Variants in TMC7 observed in about 807,000 individuals in gnomAD.
TMC7 encodes transmembrane channel like 7, also known as transmembrane channel-like protein 7.
TMC7 carries 54 observed loss-of-function variants against 82.9 expected under a neutral mutation model. The observed-to-expected ratio is 0.65, with a 90% CI of 0.52 to 0.82. The LOEUF is 0.82. Ranked by LOEUF, TMC7 falls within the 40% of genes least tolerant of loss-of-function variation. TMC7 has a pLI of 0.00. For synonymous variants in TMC7, 350 were observed against 337.9 expected (o/e 1.04, Z -0.39); for missense variants, 820 against 901.2 (o/e 0.91, Z 1.15).
chr16:19,052,504 T>G (rs1485045103), intron 13 of TMC7, among the ~76,000 whole-genome samples: 1 of 152,144 alleles, frequency 6.6e-6, no homozygotes, highest in Non-Finnish European at 1.5e-5. Context: ...CCAAATTTTG[T>G]TTCTTCACCT....
At position 18,984,133 on chromosome 16, in the gene TMC7, A is replaced by G; in HGVS notation, c.67+3A>G. ...CCGGCAGCCGGCGGTCCATCCAGGT[A>G]GGGCGGCAGGGAGCGCGCGCGGGGA... On this transcript the variant is annotated splice_donor_region_variant and intron_variant, in intron 1 of 15. Coordinates refer to ENST00000304381, the MANE Select transcript of TMC7 (RefSeq NM_024847.4). The G allele has an allele frequency of 6.7e-7, 1 of 1,495,082 alleles. No individual in the cohort carries two copies. Among genetic ancestry groups the G allele is most frequent in the Non-Finnish European group, 8.8e-7 (1 of 1,130,058 alleles). 92.6% of individuals were successfully genotyped at this position (1,495,082 alleles called of 1,614,324 possible).
At chr16:19,012,444 C>T (rs1959411319) in intron 2 of TMC7, among the ~76,000 whole-genome samples, 1 of 152,100 alleles carries the variant, frequency 6.6e-6, no homozygotes, top group Non-Finnish European at 1.5e-5. Context: ...AACTAACAGA[C>T]TCTCATGAGC....
chr16:19,045,304 A>G (rs1961217994), intron 10 of TMC7, 37 bp from the exon 11 acceptor site: 3 of 1,539,512 alleles, frequency 1.9e-6, no homozygotes, highest in South Asian at 2.2e-5. Flanking sequence ...TGCCTCAGCT[A>G]GGGTCTTTCA....
chr16:19,023,422 C>T (rs977947565), intron 5 of TMC7, among the ~76,000 whole-genome samples: 1 of 152,042 alleles, frequency 6.6e-6, no homozygotes, highest in Non-Finnish European at 1.5e-5. Flanking sequence ...GGCCATTGGC[C>T]TTTTTCTAGT....
At chr16:18,986,899 G>A (rs1436345666) in intron 1 of TMC7, among the ~76,000 whole-genome samples, 2 of 151,910 alleles carry the variant, frequency 1.3e-5, no homozygotes, top group Non-Finnish European at 2.9e-5. Flanking sequence ...CCGTCTCCCG[G>A]GTTCATGCCA....
chr16:19,010,469 C>T (rs1959261751), intron 2 of TMC7, among the ~76,000 whole-genome samples: 1 of 152,080 alleles, frequency 6.6e-6, no homozygotes, highest in African/African-American at 2.4e-5. Context: ...TTATTTCTTG[C>T]TAGCATAAAG....
At chr16:19,053,145 A>G (rs1179995216) in intron 13 of TMC7, among the ~76,000 whole-genome samples, 1 of 152,122 alleles carries the variant, frequency 6.6e-6, no homozygotes, top group Non-Finnish European at 1.5e-5. Context: ...ATTGCTCCTT[A>G]TCTTCACCTC....
At chr16:19,027,150 A>G (rs1378513683) in intron 5 of TMC7, among the ~76,000 whole-genome samples, 1 of 138,722 alleles carries the variant, frequency 7.2e-6, no homozygotes, top group Non-Finnish European at 1.5e-5. Context: ...GCTCACTGCA[A>G]CCTCTGCCTC....
intron 5 of TMC7, among the ~76,000 whole-genome samples, chr16:19,028,647 AATT>A (rs368148992): frequency 7.3e-5 from 11 of 151,106 alleles, no homozygotes; most frequent in African/African-American, 9.7e-5. Flanking sequence ...GAGCTTCTTT[AATT>A]ATTATTATTA....
chr16:18,999,359 C>T (rs1389346692), intron 1 of TMC7, among the ~76,000 whole-genome samples: 1 of 152,202 alleles, frequency 6.6e-6, no homozygotes, highest in East Asian at 1.9e-4. Context: ...TTGGACAGTG[C>T]AGATATAGAA....
intron 2 of TMC7, among the ~76,000 whole-genome samples, chr16:19,012,826 G>A (rs572225843): frequency 6.7e-4 from 91 of 135,186 alleles, no homozygotes; most frequent in Admixed American, 1.4e-3. Context: ...AAAGAAAGTG[G>A]CAAAGAAAAG....
intron 6 of TMC7, among the ~76,000 whole-genome samples, chr16:19,034,459 G>A (rs530494039): frequency 1.3e-5 from 2 of 152,056 alleles, no homozygotes; most frequent in African/African-American, 4.8e-5. Context: ...TTAGCTGGGC[G>A]TGGTGGCAGG....
chr16:19,016,367 G>A (rs757524468), intron 2 of TMC7, 83 bp from the exon 3 acceptor site: 9 of 1,558,260 alleles, frequency 5.8e-6, no homozygotes, highest in Non-Finnish European at 7.0e-6. Flanking sequence ...TGGGATTACA[G>A]GCGTGAGCTA....
chr16:18,999,752 C>T (rs1292609559), intron 1 of TMC7, among the ~76,000 whole-genome samples: 1 of 133,446 alleles, frequency 7.5e-6, no homozygotes, highest in African/African-American at 2.7e-5. Flanking sequence ...AGTCTGGGGA[C>T]GTTTTTTTGT....
At chr16:18,998,418 A>G (rs987501404) in intron 1 of TMC7, among the ~76,000 whole-genome samples, 6 of 152,166 alleles carry the variant, frequency 3.9e-5, no homozygotes, top group African/African-American at 1.4e-4. Context: ...GAATTGCAGT[A>G]ACTGCCCCAC....
At chr16:19,026,451 T>G (rs1207238789) in intron 5 of TMC7, among the ~76,000 whole-genome samples, 1 of 147,908 alleles carries the variant, frequency 6.8e-6, no homozygotes, top group Non-Finnish European at 1.5e-5. Context: ...CACTCCAGCC[T>G]GGGCGACAGA....
At chr16:19,028,439 CTTCTTCTTCAAAGTTGTTT>C (rs1960337894) in intron 5 of TMC7, among the ~76,000 whole-genome samples, 1 of 152,156 alleles carries the variant, frequency 6.6e-6, no homozygotes, top group Admixed American at 6.6e-5. Flanking sequence ...CCTTACTGTT[CTTCTTCTTCAAAGTTGTTT>C]TGGCTCTTTT....
intron 2 of TMC7, among the ~76,000 whole-genome samples, chr16:19,009,708 G>A (rs951482183): frequency 7.9e-5 from 12 of 152,044 alleles, no homozygotes; most frequent in African/African-American, 1.4e-4. Flanking sequence ...GGGAGGCTGA[G>A]GCGGGTGGAT....
chr16:19,035,645 T>C (rs748602740), intron 6 of TMC7, 31 bp from the exon 7 acceptor site: 3 of 1,614,034 alleles, frequency 1.9e-6, no homozygotes, highest in Non-Finnish European at 2.5e-6. Context: ...CTGTTGTTTC[T>C]ATAAGAAGGA....
Sources: allele counts gnomAD v4.1 joint callset (sites outside exome capture counted in the v4.1 genomes callset), GRCh38; gene constraint gnomAD v4.1.1; transcripts MANE v1.5; gene names NCBI Gene and HGNC (gene_info 2026-07-23, HGNC 2026-07-21).